Variants in TCF15 observed in about 807,000 individuals in gnomAD.
TCF15 encodes the protein TCF-15.
Under a neutral mutation model 11.1 loss-of-function variants are expected in TCF15, and 7 were observed. That is an observed-to-expected ratio of 0.63 (90% CI 0.36 to 1.19). TCF15 has a LOEUF of 1.19. Ranked by LOEUF, TCF15 falls within the 50% of genes most tolerant of loss-of-function variation. The pLI, the probability that TCF15 is intolerant of heterozygous loss-of-function variation, is 0.02. For missense variants in TCF15, 288 were observed against 289.4 expected (o/e 1.00, Z 0.03); for synonymous variants, 144 against 138.9 (o/e 1.04, Z -0.26).
Position 610,284 on chromosome 20 carries a change from C to G in TCF15, c.-47G>C, listed in dbSNP as rs1371790477. 2.0e-6 allele frequency: 2 copies of G among 987,730 alleles called. No individual in the cohort carries two copies. The highest frequency in any genetic ancestry group is 3.5e-5 in the African/African-American group (2 of 56,830). 61.2% of individuals were successfully genotyped at this position (987,730 alleles called of 1,614,324 possible). ...GTGCGCCGCGTCCCAGCGTCGGCCG[C>G]GCCCCGCCGTGCGCTCCCGCGCGCT... On this transcript the variant is annotated 5_prime_UTR_variant, in exon 1 of 2. Coordinates refer to ENST00000246080, the MANE Select transcript of TCF15 (RefSeq NM_004609.4).
At position 604,568 on chromosome 20, in the gene TCF15, G is replaced by A; in HGVS notation, c.*23C>T. Reference sequence around the variant, plus strand: ...CTGTCCAGCCAGTGGCTGGCTCCTGGCCTCCTTCTCCAGGGTCCAGGCTCA... The same window carrying A: ...CTGTCCAGCCAGTGGCTGGCTCCTGACCTCCTTCTCCAGGGTCCAGGCTCA... On this transcript the variant is annotated 3_prime_UTR_variant, in exon 2 of 2. Transcript: ENST00000246080. This position sits in a 1 kb window ranked among gnomAD's most constrained non-coding sequence, Gnocchi z 4.2. 1 of 1,549,010 alleles carries A rather than the reference G, an allele frequency of 6.5e-7. No homozygotes were observed. Among genetic ancestry groups the A allele is most frequent in the Non-Finnish European group, 8.7e-7 (1 of 1,144,942 alleles).
chr20:606,817 CAAAAA>C (rs529592184), intron 1 of TCF15, among the ~76,000 whole-genome samples: 3 of 66,202 alleles, frequency 4.5e-5, no homozygotes, highest in Non-Finnish European at 3.0e-5. Context: ...GACTCCATCG[CAAAAA>C]AAAAAAAAAA....
rs1184054766 is a variant in TCF15 at position 604,814 on chromosome 20, C to T, written c.526-149G>A. ...TCTCTGCAACAGAAAGCAGAAGAAA[C>T]CCTTTCTGGACTGATACAGACTGCT... On this transcript the variant is annotated intron_variant, in intron 1 of 1. Transcript: ENST00000246080. The surrounding 1 kb of genome is among the most constrained non-coding windows in gnomAD (Gnocchi z 4.2). The T allele has an allele frequency of 1.4e-6, 1 of 701,296 alleles. No homozygotes were observed. The highest frequency in any genetic ancestry group is 2.4e-6 in the Non-Finnish European group (1 of 420,840). The allele number at this position is 701,296 out of a possible 1,614,324, so 43.4% of individuals were successfully genotyped here.
At chr20:608,344 A>C (rs2019993147) in intron 1 of TCF15, among the ~76,000 whole-genome samples, 1 of 152,158 alleles carries the variant, frequency 6.6e-6, no homozygotes, top group Admixed American at 6.5e-5. Flanking sequence ...TGGGTAGCTA[A>C]GGGTTGCTAA....
At chr20:607,439 T>C (rs928990788) in intron 1 of TCF15, among the ~76,000 whole-genome samples, 1 of 152,218 alleles carries the variant, frequency 6.6e-6, no homozygotes, top group African/African-American at 2.4e-5. Context: ...AAAGCTCTTC[T>C]GGCCCACAAA....
Position 610,200 on chromosome 20 carries a change from A to G in TCF15, c.38T>C (p.Val13Ala), listed in dbSNP as rs1332662170. 2.9e-6 allele frequency: 3 copies of G among 1,033,642 alleles called. No homozygotes were observed. The highest frequency in any genetic ancestry group is 2.3e-6 in the Non-Finnish European group (2 of 858,018). 64.0% of individuals were successfully genotyped at this position (1,033,642 alleles called of 1,614,324 possible). ...FALLRPVGAH[V>A]LYPDVRLLSE... ...CAGCAGCCGCACGTCCGGGTACAGC[A>G]CGTGCGCGCCGACGGGCCGCAGCAG... The change falls in exon 1 of 2, where the codon GTG becomes GCG. Residue 13 changes from valine to alanine, a missense_variant. Transcript: ENST00000246080.
In TCF15 at chr20:610,052, G is replaced by GCCGCCGCCCGC. The variant is rs1374692238; in HGVS notation, c.175_185dup (p.Gly63ArgfsTer30). 3 of 1,105,518 alleles carry GCCGCCGCCCGC rather than the reference G, an allele frequency of 2.7e-6. No individual in the cohort carries two copies. Among genetic ancestry groups the GCCGCCGCCCGC allele is most frequent in the Non-Finnish European group, 2.2e-6 (2 of 908,492 alleles). 68.5% of individuals were successfully genotyped at this position (1,105,518 alleles called of 1,614,324 possible). ...CCACCACCACGGGGCCCGCGCCGCC[G>GCCGCCGCCCGC]CCGCCGCCCGCCCGCCGCCCGCCCC... On this transcript the variant is annotated frameshift_variant, in exon 1 of 2. Transcript: ENST00000246080. LOFTEE classifies it high-confidence loss of function.
At position 609,059 on chromosome 20, in the gene TCF15, C is replaced by G. The variant is rs2020000235; in HGVS notation, c.525+654G>C. On this transcript the variant is annotated intron_variant, in intron 1 of 1. Transcript: ENST00000246080. The surrounding 1 kb of genome is among the most constrained non-coding windows in gnomAD (Gnocchi z 4.7). ...ACCACGTCCTTTTGGGGGCTGGGGA[C>G]TCTCAGAGGGCCCCTTCTTCACTCC... 6.6e-6 allele frequency among the ~76,000 whole-genome samples: 1 copy of G among 152,074 alleles called. No individual in the cohort carries two copies. Among genetic ancestry groups the G allele is most frequent in the South Asian group, 2.1e-4 (1 of 4,816 alleles).
chr20:604,529 T>G lies in TCF15; in HGVS notation c.*62A>C, dbSNP rs1260629770. The G allele has an allele frequency of 6.2e-5, 91 of 1,470,084 alleles. 1 individual carries two copies. In the South Asian group the frequency reaches 1.1e-3, roughly 17 times the overall value. The allele number at this position is 1,470,084 out of a possible 1,614,324, so 91.1% of individuals were successfully genotyped here. A position where few individuals can be genotyped will look rare whatever the true frequency, so the allele number is the denominator to read the frequency against. ...ACAAAGAAGGGGTGGGCTTGGCTCC[T>G]GGGGTCTTCTTCCCTGTCCAGCCAG... On this transcript the variant is annotated 3_prime_UTR_variant, in exon 2 of 2. Coordinates refer to ENST00000246080, the MANE Select transcript of TCF15 (RefSeq NM_004609.4). This position sits in a 1 kb window ranked among gnomAD's most constrained non-coding sequence, Gnocchi z 4.2.
At chr20:606,280 T>C (rs1211029210) in intron 1 of TCF15, among the ~76,000 whole-genome samples, 1 of 151,774 alleles carries the variant, frequency 6.6e-6, no homozygotes, top group South Asian at 2.1e-4. Flanking sequence ...TAAGGTTGAA[T>C]TAGAAAACTG....
chr20:606,020 A>G (rs1181556541), intron 1 of TCF15, among the ~76,000 whole-genome samples: 1 of 152,192 alleles, frequency 6.6e-6, no homozygotes, highest in Non-Finnish European at 1.5e-5. Context: ...CCACTTAGAG[A>G]AACAGCTGAC....
chr20:609,772 CGGCGGCGGCGGGGACGGCGCCCTT>C lies in TCF15; in HGVS notation c.442_465del (p.Lys148_Ala155del). On this transcript the variant is annotated inframe_deletion, in exon 1 of 2. Transcript: ENST00000246080. The surrounding 1 kb of genome is among the most constrained non-coding windows in gnomAD (Gnocchi z 4.7). ...ATGGAGCGCGGCTGGCGGCCGCCGT[CGGCGGCGGCGGGGACGGCGCCCTT>C]GGCACTGCCCGCGGCACGGAAGCAC... 2.1e-6 allele frequency: 3 copies of C among 1,408,458 alleles called. No individual in the cohort carries two copies. Among genetic ancestry groups the C allele is most frequent in the Non-Finnish European group, 1.8e-6 (2 of 1,094,096 alleles). 87.2% of individuals were successfully genotyped at this position (1,408,458 alleles called of 1,614,324 possible).
In TCF15 at chr20:609,621, TG is replaced by T; in HGVS notation, c.525+91del. On this transcript the variant is annotated intron_variant, in intron 1 of 1. Transcript: ENST00000246080. The surrounding 1 kb of genome is among the most constrained non-coding windows in gnomAD (Gnocchi z 4.7). Reference sequence around the variant, plus strand: ...CCACGTCGCTTCCCCCTGGCCTCGTTGGGGACCCCTGCACCTCTCCGGTTCC... The same window carrying T: ...CCACGTCGCTTCCCCCTGGCCTCGTTGGGACCCCTGCACCTCTCCGGTTCC... The T allele has an allele frequency of 7.8e-7, 1 of 1,285,742 alleles. No individual in the cohort carries two copies. Among genetic ancestry groups the T allele is most frequent in the South Asian group, 2.5e-5 (1 of 39,462 alleles). 79.6% of individuals were successfully genotyped at this position (1,285,742 alleles called of 1,614,324 possible).
chr20:607,022 A>T (rs1212730970), intron 1 of TCF15, among the ~76,000 whole-genome samples: 1 of 152,188 alleles, frequency 6.6e-6, no homozygotes, highest in Non-Finnish European at 1.5e-5. Context: ...TCCCCCCCGT[A>T]AAGGGGAATT....
At chr20:606,699 T>C (rs2019978345) in intron 1 of TCF15, among the ~76,000 whole-genome samples, 1 of 151,592 alleles carries the variant, frequency 6.6e-6, no homozygotes, top group Admixed American at 6.6e-5. Context: ...GCACCTGTAA[T>C]CCCAGCTACT....
chr20:604,554 G>C lies in TCF15; in HGVS notation c.*37C>G. ...TGGGGTCTTCTTCCCTGTCCAGCCA[G>C]TGGCTGGCTCCTGGCCTCCTTCTCC... On this transcript the variant is annotated 3_prime_UTR_variant, in exon 2 of 2. Transcript: ENST00000246080. This position sits in a 1 kb window ranked among gnomAD's most constrained non-coding sequence, Gnocchi z 4.2. 1.3e-6 allele frequency: 2 copies of C among 1,537,592 alleles called. No individual in the cohort carries two copies. Among genetic ancestry groups the C allele is most frequent in the Non-Finnish European group, 1.8e-6 (2 of 1,134,632 alleles).
chr20:604,518 G>T lies in TCF15; in HGVS notation c.*73C>A. ...CCGGTCCCTACACAAAGAAGGGGTG[G>T]GCTTGGCTCCTGGGGTCTTCTTCCC... On this transcript the variant is annotated 3_prime_UTR_variant, in exon 2 of 2. Transcript: ENST00000246080. This position sits in a 1 kb window ranked among gnomAD's most constrained non-coding sequence, Gnocchi z 4.2. 7.2e-7 allele frequency: 1 copy of T among 1,397,560 alleles called. No individual in the cohort carries two copies. Among genetic ancestry groups the T allele is most frequent in the Non-Finnish European group, 9.9e-7 (1 of 1,007,884 alleles). 86.6% of individuals were successfully genotyped at this position (1,397,560 alleles called of 1,614,324 possible). A position where few individuals can be genotyped will look rare whatever the true frequency, so the allele number is the denominator to read the frequency against.
At chr20:607,080 G>A (rs2019981970) in intron 1 of TCF15, among the ~76,000 whole-genome samples, 2 of 152,316 alleles carry the variant, frequency 1.3e-5, no homozygotes, top group South Asian at 2.1e-4. Flanking sequence ...TTGGCACAGT[G>A]TTGGGAACAA....
At chr20:605,318 C>T (rs535273505) in intron 1 of TCF15, among the ~76,000 whole-genome samples, 2 of 152,368 alleles carry the variant, frequency 1.3e-5, no homozygotes, top group East Asian at 3.9e-4. Flanking sequence ...TGCCTAGCGG[C>T]TCACTCGTCC....
Sources: gnomAD v4.1 joint callset for allele counts (sites outside exome capture counted in the v4.1 genomes callset) on GRCh38, gnomAD v4.1.1 for gene constraint, Gnocchi (gnomAD v3.1) non-coding constraint, MANE v1.5 for transcripts, NCBI Gene and HGNC (gene_info 2026-07-23, HGNC 2026-07-21) for gene names.